COL13A1: variants seen among roughly 807,000 people sequenced by gnomAD.
The protein encoded by COL13A1 is collagen alpha-1(XIII) chain.
COL13A1 carries 89 observed loss-of-function variants against 130.9 expected under a neutral mutation model. The ratio of observed to expected loss-of-function variants is 0.68; its 90% confidence interval spans 0.57 to 0.81. The LOEUF (loss-of-function observed/expected upper bound fraction) is 0.81. Among genes scored for constraint, COL13A1 ranks in the 30% least tolerant of loss-of-function variants. The pLI, the probability that COL13A1 is intolerant of heterozygous loss-of-function variation, is 0.00. For missense variants in COL13A1, 879 were observed against 934.6 expected (o/e 0.94, Z 0.78); for synonymous variants, 402 against 341.6 (o/e 1.18, Z -1.95).
intron 13 of COL13A1, chr10:69,897,635 G>A: frequency 1.5e-6 from 2 of 1,300,902 alleles, no homozygotes; most frequent in South Asian, 1.4e-5. Context: ...GGGAGCGGGT[G>A]GAGCTCTGTG....
At chr10:69,905,894 C>G (rs2062703674) in intron 17 of COL13A1, 72 bp downstream of exon 17, 1 of 1,533,176 alleles carries the variant, frequency 6.5e-7, no homozygotes, top group South Asian at 1.2e-5. Flanking sequence ...ACCTCAGACC[C>G]AAGAGGGTCT....
chr10:69,896,571 G>A (rs1025030835), intron 13 of COL13A1, among the ~76,000 whole-genome samples: 2 of 152,228 alleles, frequency 1.3e-5, no homozygotes, highest in African/African-American at 2.4e-5. Context: ...AGTGGAGACA[G>A]ACATAAGCCA....
At chr10:69,873,143 G>T (rs1021001736) in intron 4 of COL13A1, among the ~76,000 whole-genome samples, 1 of 151,996 alleles carries the variant, frequency 6.6e-6, no homozygotes, top group African/African-American at 2.4e-5. Context: ...CCTGAGGCTG[G>T]CACCAGTCTG....
chr10:69,840,725 G>T (rs561573954), intron 2 of COL13A1, among the ~76,000 whole-genome samples: 163 of 152,244 alleles, frequency 1.1e-3, no homozygotes, highest in African/African-American at 3.8e-3. Context: ...GAGGGATCTG[G>T]GTAAAAGAAC....
chr10:69,926,988 G>A (rs760291791), intron 26 of COL13A1, 99 bp from the exon 27 acceptor site: 2 of 1,563,704 alleles, frequency 1.3e-6, no homozygotes, highest in Non-Finnish European at 1.8e-6. Flanking sequence ...ACGCTCCTTT[G>A]AGGGGCCTAG....
At chr10:69,887,858 G>T (rs762745242) in intron 8 of COL13A1, among the ~76,000 whole-genome samples, 76 of 152,214 alleles carry the variant, frequency 5.0e-4, no homozygotes, top group Non-Finnish European at 9.8e-4. Context: ...GATCCAGCGA[G>T]GGGGAGGCAG....
chr10:69,819,032 C>G (rs571522216), intron 1 of COL13A1, among the ~76,000 whole-genome samples: 1 of 152,234 alleles, frequency 6.6e-6, no homozygotes, highest in Non-Finnish European at 1.5e-5. Context: ...TTCTCCCACA[C>G]CAAGCTCAGC....
At chr10:69,841,170 G>C (rs1280839843) in intron 2 of COL13A1, among the ~76,000 whole-genome samples, 1 of 151,368 alleles carries the variant, frequency 6.6e-6, no homozygotes, top group Non-Finnish European at 1.5e-5. Flanking sequence ...CCCTCTGCCA[G>C]GAACCCCCTC....
Position 69,904,977 on chromosome 10 carries a change from T to C in COL13A1, c.885+18T>C. The C allele has an allele frequency of 6.4e-7, 1 of 1,555,330 alleles. No homozygotes were observed. Among genetic ancestry groups the C allele is most frequent in the East Asian group, 2.4e-5 (1 of 42,350 alleles). On this transcript the variant is annotated intron_variant, in intron 16 of 40. Transcript: ENST00000645393. ...GACCAAAGGTGAGTGTCCTTCTGGG[T>C]GATGTGTTGAACAGGTGGGAGAATT...
intron 36 of COL13A1, among the ~76,000 whole-genome samples, chr10:69,944,661 TAA>T (rs111975487): frequency 1.2e-5 from 1 of 82,338 alleles, no homozygotes; most frequent in Non-Finnish European, 2.9e-5. Flanking sequence ...CTTATCTCTA[TAA>T]AAAAAAAAAT....
At chr10:69,802,973 G>A (rs1423401793) in intron 1 of COL13A1, among the ~76,000 whole-genome samples, 2 of 152,210 alleles carry the variant, frequency 1.3e-5, no homozygotes, top group Admixed American at 1.3e-4. Flanking sequence ...GAGCGCCCTG[G>A]GCACGCCGGG....
At position 69,877,697 on chromosome 10, in the gene COL13A1, TCTCA is replaced by T. The variant is rs1172091338; in HGVS notation, c.436-340_436-337del. The T allele has an allele frequency of 6.4e-3, 642 of 99,788 alleles. 2 individuals are homozygous for T. The highest frequency in any genetic ancestry group is 7.0e-3 in the Non-Finnish European group (359 of 51,066). The allele number at this position is 99,788 out of a possible 1,614,324, so 6.2% of individuals were successfully genotyped here. A position where few individuals can be genotyped will look rare whatever the true frequency, so the allele number is the denominator to read the frequency against. On this transcript the variant is annotated intron_variant, in intron 5 of 40. Coordinates refer to ENST00000645393, the MANE Select transcript of COL13A1 (RefSeq NM_001368882.1). ...CTGTCTCTCTCTCTCTCTCTCTCTC[TCTCA>T]CACACACACACACACACACACACAC...
At chr10:69,937,507 C>T in intron 33 of COL13A1, 128 bp from the exon 34 acceptor site, 1 of 611,830 alleles carries the variant, frequency 1.6e-6, no homozygotes, top group Non-Finnish European at 3.0e-6. Context: ...TCTTGGTATC[C>T]TCAGCCTGCC....
At chr10:69,828,737 A>G (rs545989763) in intron 2 of COL13A1, among the ~76,000 whole-genome samples, 1 of 152,290 alleles carries the variant, frequency 6.6e-6, no homozygotes, top group Admixed American at 6.5e-5. Context: ...CTGTTTGATG[A>G]GTATGTTAAC....
chr10:69,907,657 G>A (rs1149699), intron 17 of COL13A1, among the ~76,000 whole-genome samples: 144,352 of 150,594 alleles, frequency 0.96, 69,425 homozygotes, highest in East Asian at 1. Flanking sequence ...CTCTCATGAT[G>A]ACTAACCCAC....
In COL13A1 at chr10:69,898,272, A is replaced by C. The variant is rs372016301; in HGVS notation, c.685-425A>C. Among the ~76,000 whole-genome samples, 37 of 152,278 alleles carry C rather than the reference A, an allele frequency of 2.4e-4. 1 individual carries two copies. In the East Asian group the frequency reaches 6.4e-3, roughly 26 times the overall value. On this transcript the variant is annotated intron_variant, in intron 13 of 40. Transcript: ENST00000645393. The stretch of plus-strand genomic sequence containing the variant: ...TGAGTTGGCTCCCTTCTGTCCCCCA[A>C]GCAGGGATGGGTGGGGCTGGCAGTG...
chr10:69,803,495 G>A (rs1840624206), intron 1 of COL13A1, among the ~76,000 whole-genome samples: 1 of 152,162 alleles, frequency 6.6e-6, no homozygotes, highest in Non-Finnish European at 1.5e-5. Context: ...CAGAGGAAAG[G>A]CTGGGCCTTG....
rs1458295187 is a variant in COL13A1 at position 69,885,187 on chromosome 10, G to T, written c.514-2269G>T. ...GACACAAAACCCAAAAGCCATAGGA[G>T]AAGATTAAGTTTGTCTGTAGAAATA... On this transcript the variant is annotated intron_variant, in intron 7 of 40. Transcript: ENST00000645393. Among the ~76,000 whole-genome samples the T allele has an allele frequency of 1.8e-3, 279 of 152,252 alleles. 2 individuals are homozygous for T. Among genetic ancestry groups the T allele is most frequent in the African/African-American group, 6.6e-3 (273 of 41,546 alleles).
At chr10:69,917,946 C>T (rs908168411) in intron 18 of COL13A1, among the ~76,000 whole-genome samples, 2 of 151,952 alleles carry the variant, frequency 1.3e-5, no homozygotes, top group East Asian at 1.9e-4. Flanking sequence ...CATATTCCAA[C>T]GAAGCTCCCC....
Sources: gnomAD v4.1 joint callset for allele counts (sites outside exome capture counted in the v4.1 genomes callset) on GRCh38, gnomAD v4.1.1 for gene constraint, MANE v1.5 for transcripts, NCBI Gene and HGNC (gene_info 2026-07-23, HGNC 2026-07-21) for gene names.